Variants in SGCD observed in about 807,000 individuals in gnomAD.
SGCD encodes delta-sarcoglycan.
Under a neutral mutation model 36.6 loss-of-function variants are expected in SGCD, and 18 were observed. The observed-to-expected ratio is 0.49, with a 90% CI of 0.34 to 0.73. The LOEUF is 0.73. Among genes scored for constraint, SGCD ranks in the 30% least tolerant of loss-of-function variants. The pLI is 0.01. For synonymous variants in SGCD, 133 were observed against 130.6 expected (o/e 1.02, Z -0.12); for missense variants, 387 against 346.7 (o/e 1.12, Z -0.92).
chr5:156,505,639 G>T (rs1756662210), intron 3 of SGCD, among the ~76,000 whole-genome samples: 1 of 152,168 alleles, frequency 6.6e-6, no homozygotes, highest in Non-Finnish European at 1.5e-5. Flanking sequence ...AGCAGGCCCA[G>T]CATGGCCATT....
chr5:155,955,314 A>C (rs1416564753), intron 1 of SGCD, among the ~76,000 whole-genome samples: 1 of 152,182 alleles, frequency 6.6e-6, no homozygotes, highest in Non-Finnish European at 1.5e-5. Flanking sequence ...AATAAATTTG[A>C]AGTATTTAGA....
chr5:155,810,504 T>C, the SGCD span, among the ~76,000 whole-genome samples: 1 of 152,172 alleles, frequency 6.6e-6, no homozygotes, highest in Admixed American at 6.5e-5. Context: ...ATTTATTTAT[T>C]TATTTATTTC....
At chr5:156,413,357 T>G (rs554035949) in intron 3 of SGCD, among the ~76,000 whole-genome samples, 68 of 152,216 alleles carry the variant, frequency 4.5e-4, no homozygotes, top group Non-Finnish European at 7.9e-4. Flanking sequence ...TCAACTTAGC[T>G]GTTACATAGG....
chr5:156,667,276 C>G (rs1292185445), intron 7 of SGCD, among the ~76,000 whole-genome samples: 1 of 152,138 alleles, frequency 6.6e-6, no homozygotes, highest in Non-Finnish European at 1.5e-5. Flanking sequence ...CAGACAGACA[C>G]AAGGAGGAGT....
At chr5:155,880,027 G>T (rs1755849055) in intron 1 of SGCD, among the ~76,000 whole-genome samples, 1 of 152,192 alleles carries the variant, frequency 6.6e-6, no homozygotes, top group Non-Finnish European at 1.5e-5. Flanking sequence ...TTTGTCTAGT[G>T]ACTAAATAGC....
chr5:156,553,792 A>G (rs572546379), intron 4 of SGCD, among the ~76,000 whole-genome samples: 1 of 152,198 alleles, frequency 6.6e-6, no homozygotes, highest in East Asian at 1.9e-4. Flanking sequence ...TCTGTACTTC[A>G]TTGCTTTTTA....
the SGCD span, among the ~76,000 whole-genome samples, chr5:155,753,012 G>T: frequency 9.2e-5 from 14 of 152,246 alleles, no homozygotes; most frequent in Middle Eastern, 3.4e-3. Context: ...AGAGTAGTGA[G>T]TGCTCAGGAT....
chr5:156,320,884 G>T (rs900770243), intron 3 of SGCD, among the ~76,000 whole-genome samples: 2 of 152,164 alleles, frequency 1.3e-5, no homozygotes, highest in Admixed American at 1.3e-4. Context: ...TGGAAAAATA[G>T]CATTGGATTT....
At chr5:156,036,484 G>C (rs1759500175) in intron 1 of SGCD, among the ~76,000 whole-genome samples, 1 of 152,140 alleles carries the variant, frequency 6.6e-6, no homozygotes, top group African/African-American at 2.4e-5. Context: ...CTTATCTAAG[G>C]TCTATGGGAA....
At chr5:156,495,608 C>G (rs1246071235) in intron 3 of SGCD, among the ~76,000 whole-genome samples, 4 of 152,140 alleles carry the variant, frequency 2.6e-5, no homozygotes, top group African/African-American at 4.8e-5. Flanking sequence ...TCACTCAGGC[C>G]AGCATCTTAA....
At chr5:155,734,613 T>G in the SGCD span, among the ~76,000 whole-genome samples, 17 of 152,216 alleles carry the variant, frequency 1.1e-4, no homozygotes, top group Non-Finnish European at 2.2e-4. Context: ...CCTTATACTT[T>G]AAGACACTGT....
intron 6 of SGCD, among the ~76,000 whole-genome samples, chr5:156,617,685 C>T (rs79240912): frequency 5.3e-5 from 8 of 152,182 alleles, no homozygotes; most frequent in Non-Finnish European, 8.8e-5. Flanking sequence ...TGGAAGTGCC[C>T]CAAAGCAAAT....
At chr5:156,001,249 C>T (rs1238904490) in intron 1 of SGCD, among the ~76,000 whole-genome samples, 10 of 152,068 alleles carry the variant, frequency 6.6e-5, no homozygotes, top group Non-Finnish European at 1.5e-4. Flanking sequence ...AGCTGTTTAA[C>T]GAAATGAAGA....
chr5:156,689,519 G>C (rs1754034554), intron 7 of SGCD, among the ~76,000 whole-genome samples: 1 of 152,158 alleles, frequency 6.6e-6, no homozygotes, highest in African/African-American at 2.4e-5. Context: ...AGTGGTACTT[G>C]AGTTTATCAT....
chr5:156,121,224 C>A (rs943215654), intron 2 of SGCD, among the ~76,000 whole-genome samples: 2 of 151,986 alleles, frequency 1.3e-5, no homozygotes, highest in African/African-American at 4.8e-5. Flanking sequence ...AGAATATAAG[C>A]CTGCAGCAGT....
At chr5:156,221,557 A>T (rs1764715569) in intron 3 of SGCD, among the ~76,000 whole-genome samples, 2 of 151,786 alleles carry the variant, frequency 1.3e-5, no homozygotes, top group South Asian at 4.1e-4. Flanking sequence ...ATCTAATGAG[A>T]TTTAAAAAAA....
At chr5:155,844,571 G>C in the SGCD span, among the ~76,000 whole-genome samples, 2 of 152,144 alleles carry the variant, frequency 1.3e-5, no homozygotes, top group African/African-American at 4.8e-5. Flanking sequence ...GGAAAGATTA[G>C]ATCGTAAATA....
At chr5:156,049,299 G>T (rs1759856185) in intron 1 of SGCD, among the ~76,000 whole-genome samples, 1 of 145,870 alleles carries the variant, frequency 6.9e-6, no homozygotes, top group African/African-American at 2.5e-5. Context: ...GATTGACTTG[G>T]TGATGCGGGC....
At chr5:156,026,475 AG>A (rs981666400) in intron 1 of SGCD, among the ~76,000 whole-genome samples, 1 of 152,220 alleles carries the variant, frequency 6.6e-6, no homozygotes, top group African/African-American at 2.4e-5. Context: ...TGGAACCAGT[AG>A]GGGACAAAGC....
Sources: gnomAD v4.1 joint callset for allele counts (sites outside exome capture counted in the v4.1 genomes callset) on GRCh38, gnomAD v4.1.1 for gene constraint, MANE v1.5 for transcripts, NCBI Gene and HGNC (gene_info 2026-07-23, HGNC 2026-07-21) for gene names.